The following SCLT1 variants were observed in gnomAD, a reference collection of about 807,000 sequenced individuals.
SCLT1 encodes the protein sodium channel-associated protein 1.
In SCLT1, 78 loss-of-function variants were observed where a neutral mutation model predicts 112.8. The ratio of observed to expected loss-of-function variants is 0.69; its 90% CI spans 0.58 to 0.83. SCLT1 has a LOEUF of 0.83. Among genes scored for constraint, SCLT1 ranks in the 40% least tolerant of loss-of-function variants. SCLT1 has a pLI of 0.00. For synonymous variants in SCLT1, 257 were observed against 254.7 expected (o/e 1.01, Z -0.09); for missense variants, 747 against 770.4 (o/e 0.97, Z 0.36).
Position 129,049,319 on chromosome 4 carries a change from C to T in SCLT1, c.103-5268G>A, listed in dbSNP as rs141874672. ...GCAGCCATAAAAAATGATGAGTTCA[C>T]GTCCTTTGTAGGACATGGATGAAAT... is the stretch of plus-strand genomic sequence containing the variant. On this transcript the variant is annotated intron_variant, in intron 2 of 20. Coordinates refer to ENST00000281142, the MANE Select transcript of SCLT1 (RefSeq NM_144643.4). Among the ~76,000 whole-genome samples the T allele has an allele frequency of 1.3e-3, 199 of 151,952 alleles. 3 individuals carry two copies. The East Asian group carries it at 0.018, about 14-fold the overall frequency.
chr4:128,950,172 T>C (rs955288132), intron 14 of SCLT1, among the ~76,000 whole-genome samples: 5 of 152,190 alleles, frequency 3.3e-5, no homozygotes, highest in Non-Finnish European at 7.4e-5. Context: ...GTTTCAGTGC[T>C]AAATTTGGGA....
intron 9 of SCLT1, among the ~76,000 whole-genome samples, chr4:128,990,628 A>T (rs1399543532): frequency 1.3e-5 from 2 of 151,926 alleles, no homozygotes; most frequent in Non-Finnish European, 2.9e-5. Flanking sequence ...AAGGGAGCCC[A>T]AATTGGAAAG....
chr4:129,045,019 T>C (rs940125379), intron 2 of SCLT1, among the ~76,000 whole-genome samples: 1 of 151,922 alleles, frequency 6.6e-6, no homozygotes, highest in Non-Finnish European at 1.5e-5. Context: ...AGAATTATAA[T>C]TGAATGGACA....
downstream of SCLT1, among the ~76,000 whole-genome samples, chr4:128,881,821 GA>G (rs1451161948): frequency 6.6e-6 from 1 of 152,012 alleles, no homozygotes; most frequent in Non-Finnish European, 1.5e-5. Flanking sequence ...TTTCTGAAAA[GA>G]AAAAAACCAT....
intron 18 of SCLT1, among the ~76,000 whole-genome samples, chr4:128,907,697 A>G (rs1560827028): frequency 6.6e-6 from 1 of 152,050 alleles, no homozygotes; most frequent in East Asian, 1.9e-4. Context: ...TAATTGGCCC[A>G]TTTCTGTTTT....
In SCLT1 at chr4:128,931,643, T is replaced by C. The variant is rs565905860; in HGVS notation, c.1829+5012A>G. On this transcript the variant is annotated intron_variant, in intron 18 of 20. Coordinates refer to ENST00000281142, the MANE Select transcript of SCLT1 (RefSeq NM_144643.4). ...ACGCCCGGCTAATTTTTTGTATTTT[T>C]AGTAGGGACAGGGTTTCACTGTGTT... Among the ~76,000 whole-genome samples the C allele has an allele frequency of 2.1e-4, 32 of 152,230 alleles. No individual in the cohort carries two copies. In the South Asian group the frequency reaches 5.6e-3, roughly 27 times the overall value.
At chr4:128,922,348 T>C (rs1310146188) in intron 18 of SCLT1, among the ~76,000 whole-genome samples, 1 of 152,124 alleles carries the variant, frequency 6.6e-6, no homozygotes, top group Non-Finnish European at 1.5e-5. Flanking sequence ...GACGCATGCT[T>C]GTGTAGATTC....
intron 9 of SCLT1, among the ~76,000 whole-genome samples, chr4:128,978,183 T>G (rs1385637402): frequency 6.6e-6 from 1 of 152,050 alleles, no homozygotes; most frequent in Non-Finnish European, 1.5e-5. Flanking sequence ...TTTCTTTTTT[T>G]AAAAAAGGAG....
Position 128,997,894 on chromosome 4 carries a change from T to C in SCLT1, c.595A>G (p.Thr199Ala). The change falls in exon 8 of 21, where the codon ACT (threonine) becomes GCT (alanine). Residue 199 changes from threonine (T) to alanine (A), a missense_variant. Around this residue, in one of 2 missense-constraint regions of SCLT1, gnomAD observed 723 missense variants for 721.3 expected, o/e 1.00. Transcript: ENST00000281142. The part of the protein sequence containing the change: ...FQQLTKQLHV[T>A]NENMEVTNQQ... ...CTTACCACTTCCATGTTCTCATTAGTAACATGAAGTTGTTTGGTCAGTTGT... is the reference window on the plus strand; with the variant it reads ...CTTACCACTTCCATGTTCTCATTAGCAACATGAAGTTGTTTGGTCAGTTGT... The C allele has an allele frequency of 6.7e-7, 1 of 1,498,386 alleles. No individual in the cohort carries two copies. Among genetic ancestry groups the C allele is most frequent in the Non-Finnish European group, 9.0e-7 (1 of 1,111,050 alleles). The allele number at this position is 1,498,386 out of a possible 1,614,324, so 92.8% of individuals were successfully genotyped here.
chr4:128,953,294 T>C (rs966068825), intron 13 of SCLT1, among the ~76,000 whole-genome samples: 2 of 152,200 alleles, frequency 1.3e-5, no homozygotes, highest in Non-Finnish European at 2.9e-5. Flanking sequence ...TAAAATACTT[T>C]TGCAAATTTC....
At position 128,937,976 on chromosome 4, in the gene SCLT1, T is replaced by C. The variant is rs570382001; in HGVS notation, c.1633-1125A>G. 3.3e-5 allele frequency among the ~76,000 whole-genome samples: 5 copies of C among 152,302 alleles called. No homozygotes were observed. In the South Asian group the frequency reaches 8.3e-4, roughly 25 times the overall value. On this transcript the variant is annotated intron_variant, in intron 17 of 20. Coordinates refer to ENST00000281142, the MANE Select transcript of SCLT1 (RefSeq NM_144643.4). ...GAAATTGAGAAAAAAGTTACTGCAA[T>C]ATTTTTCTATGTTTTGTGGTTCAGA...
At chr4:128,875,870 T>A (rs921124674) in intron 4 of SCLT1, among the ~76,000 whole-genome samples, 5 of 152,184 alleles carry the variant, frequency 3.3e-5, no homozygotes, top group Non-Finnish European at 7.3e-5. Flanking sequence ...AAGAGCAGTT[T>A]CATTAAATGC....
chr4:128,904,059 G>A (rs1385942368), intron 18 of SCLT1, among the ~76,000 whole-genome samples: 2 of 152,018 alleles, frequency 1.3e-5, no homozygotes, highest in Non-Finnish European at 2.9e-5. Flanking sequence ...GTAGCTTGCC[G>A]GAAGACACAG....
In SCLT1 at chr4:129,087,070, C is replaced by T. The variant is rs2125783364; in HGVS notation, c.35-4697G>A. On this transcript the variant is annotated intron_variant, in intron 1 of 20. Transcript: ENST00000281142. ...TAATGACTTAAGAGACTTTCCAGGG[C>T]CATGACACGGGGGGAGGAAATGCAA... Among the ~76,000 whole-genome samples, 7 of 152,196 alleles carry T rather than the reference C, an allele frequency of 4.6e-5. No homozygotes were observed. The South Asian group carries it at 1.5e-3, about 32-fold the overall frequency.
intron 5 of SCLT1, among the ~76,000 whole-genome samples, chr4:129,013,997 G>C (rs2126109582): frequency 6.6e-6 from 1 of 152,248 alleles, no homozygotes; most frequent in Non-Finnish European, 1.5e-5. Flanking sequence ...TGGAGGTTTT[G>C]TTCACTCCTT....
At chr4:128,873,281 G>GAAAAAAAAAAGAAAAAAAAAAAAAAA in intron 5 of SCLT1, 1 of 105,638 alleles carries the variant, frequency 9.5e-6, no homozygotes, top group Non-Finnish European at 2.0e-5. Flanking sequence ...AAGAAAAAAA[G>GAAAAAAAAAAGAAAAAAAAAAAAAAA]AAAAAAAAAA....
intron 9 of SCLT1, among the ~76,000 whole-genome samples, chr4:128,973,606 A>G (rs1740894957): frequency 6.6e-6 from 1 of 152,272 alleles, no homozygotes; most frequent in South Asian, 2.1e-4. Context: ...TTTAATATTC[A>G]TGTGTGAAAA....
chr4:128,937,323 T>C (rs1247287500), intron 17 of SCLT1, among the ~76,000 whole-genome samples: 2 of 151,752 alleles, frequency 1.3e-5, no homozygotes, highest in African/African-American at 4.8e-5. Flanking sequence ...AAGTTTACAA[T>C]TGGTCTTCAT....
In SCLT1 at chr4:129,061,227, C is replaced by T. The variant is rs62316974; in HGVS notation, c.103-17176G>A. ...CTTACTTTCTGTGAGGGCAGATGCGCGGCAGCAAGTTTCCCAGAATGGCAA... is the reference window on the plus strand; with the variant it reads ...CTTACTTTCTGTGAGGGCAGATGCGTGGCAGCAAGTTTCCCAGAATGGCAA... On this transcript the variant is annotated intron_variant, in intron 2 of 20. Transcript: ENST00000281142. 6.8e-3 allele frequency among the ~76,000 whole-genome samples: 1,041 copies of T among 152,162 alleles called. 11 individuals carry two copies. Among genetic ancestry groups the T allele is most frequent in the Non-Finnish European group, 9.4e-3 (636 of 68,006 alleles).
Sources: gnomAD v4.1 joint callset for allele counts (sites outside exome capture counted in the v4.1 genomes callset) on GRCh38, gnomAD v4.1.1 for gene constraint, gnomAD v4.1.1 regional missense constraint, MANE v1.5 for transcripts, NCBI Gene and HGNC (gene_info 2026-07-23, HGNC 2026-07-21) for gene names.